The following SORCS1 variants were observed in gnomAD, a reference collection of about 807,000 sequenced individuals.
SORCS1 encodes the protein sortilin related VPS10 domain containing receptor 1.
Under a neutral mutation model 146.1 loss-of-function variants are expected in SORCS1, and 60 were observed. That is an observed-to-expected ratio of 0.41 (90% confidence interval 0.33 to 0.51). SORCS1 has a LOEUF of 0.51. Among genes scored for constraint, SORCS1 ranks in the 20% least tolerant of loss-of-function variants. The pLI, the probability that SORCS1 is intolerant of heterozygous loss-of-function variation, is 0.21. For missense variants in SORCS1, 1,352 were observed against 1,487.6 expected, an observed-to-expected ratio of 0.91 and a Z score of 1.50; for synonymous variants, 637 against 584.0, an observed-to-expected ratio of 1.09 and a Z score of -1.31.
chr10:106,637,899 T>G (rs774707045), intron 18 of SORCS1, among the ~76,000 whole-genome samples: 1 of 152,208 alleles, frequency 6.6e-6, no homozygotes, highest in Non-Finnish European at 1.5e-5. Flanking sequence ...TACCATGTAT[T>G]TGACTGAATC....
chr10:106,801,421 C>T (rs951917962), intron 3 of SORCS1, among the ~76,000 whole-genome samples: 1 of 150,714 alleles, frequency 6.6e-6, no homozygotes, highest in South Asian at 2.1e-4. Flanking sequence ...TAATAGCAAA[C>T]ATTTAATAGC....
At chr10:106,910,342 G>A (rs989192050) in intron 2 of SORCS1, among the ~76,000 whole-genome samples, 2 of 151,446 alleles carry the variant, frequency 1.3e-5, no homozygotes, top group African/African-American at 4.9e-5. Context: ...TAGAGAGTGA[G>A]CGAGCTCACA....
intron 5 of SORCS1, among the ~76,000 whole-genome samples, chr10:106,737,615 C>T (rs1248196342): frequency 6.6e-6 from 1 of 152,078 alleles, no homozygotes; most frequent in Non-Finnish European, 1.5e-5. Context: ...ATCCCAGCTA[C>T]TCAGGAGGCT....
the SORCS1 span, among the ~76,000 whole-genome samples, chr10:107,173,468 C>T: frequency 6.6e-5 from 10 of 152,080 alleles, no homozygotes; most frequent in Admixed American, 6.5e-4. Context: ...AAAGATTTCA[C>T]TATTTATATA....
intron 1 of SORCS1, among the ~76,000 whole-genome samples, chr10:106,966,141 T>A (rs1029060783): frequency 1.3e-5 from 2 of 152,316 alleles, no homozygotes; most frequent in Admixed American, 1.3e-4. Context: ...AGTATCATCA[T>A]TTAGATTTAA....
chr10:106,671,082 C>T (rs567871170), intron 16 of SORCS1, among the ~76,000 whole-genome samples, 155 bp downstream of exon 16: 1 of 152,292 alleles, frequency 6.6e-6, no homozygotes, highest in East Asian at 1.9e-4. Context: ...CATACACATA[C>T]ACATAGCTAG....
rs149990087 is a variant in SORCS1 at position 106,829,411 on chromosome 10, T to C, written c.726+163A>G. Among the ~76,000 whole-genome samples, 13 of 152,314 alleles carry C rather than the reference T, an allele frequency of 8.5e-5. No individual in the cohort carries two copies. The East Asian group carries it at 2.3e-3, about 27-fold the overall frequency. On this transcript the variant is annotated intron_variant, in intron 3 of 25. Coordinates refer to ENST00000263054, the MANE Select transcript of SORCS1 (RefSeq NM_052918.5). Reference sequence around the variant, plus strand: ...ACATTCACAGCTGCTGATCTGAAAATTATGATGTGTCAGACATTTTACAAT... The same window carrying C: ...ACATTCACAGCTGCTGATCTGAAAACTATGATGTGTCAGACATTTTACAAT...
At chr10:106,724,753 A>G (rs927046251) in intron 6 of SORCS1, among the ~76,000 whole-genome samples, 4 of 152,222 alleles carry the variant, frequency 2.6e-5, no homozygotes, top group African/African-American at 9.6e-5. Context: ...CAAACTGGCA[A>G]GTGGGGGATT....
chr10:106,828,739 T>A (rs1420326684), intron 3 of SORCS1, among the ~76,000 whole-genome samples: 1 of 152,226 alleles, frequency 6.6e-6, no homozygotes, highest in East Asian at 1.9e-4. Context: ...GGTATAGATG[T>A]AGTACCACTC....
At chr10:106,970,390 G>C (rs1479198633) in intron 1 of SORCS1, among the ~76,000 whole-genome samples, 1 of 131,132 alleles carries the variant, frequency 7.6e-6, no homozygotes. Flanking sequence ...CCAGGCTGGA[G>C]TGCAGTGGCG....
intron 1 of SORCS1, among the ~76,000 whole-genome samples, chr10:106,962,190 G>A (rs189845204): frequency 7.7e-4 from 116 of 151,560 alleles, no homozygotes; most frequent in African/African-American, 2.6e-3. Context: ...ACCTGAGGTC[G>A]GGAGTTCAAG....
At chr10:107,045,691 A>T (rs72811200) in intron 1 of SORCS1, among the ~76,000 whole-genome samples, 1,626 of 151,986 alleles carry the variant, frequency 0.011, 15 homozygotes, top group South Asian at 0.029. Context: ...AGGAAAAAAA[A>T]TTTTAAGTTG....
At chr10:106,652,620 A>C (rs1306721676) in intron 17 of SORCS1, 67 bp from the exon 18 acceptor site, 1 of 1,568,626 alleles carries the variant, frequency 6.4e-7, no homozygotes, top group South Asian at 1.2e-5. Flanking sequence ...ACTTTTTAAA[A>C]TTAGACATAG....
chr10:106,872,334 A>G (rs1950442872), intron 2 of SORCS1, among the ~76,000 whole-genome samples: 1 of 152,210 alleles, frequency 6.6e-6, no homozygotes, highest in African/African-American at 2.4e-5. Context: ...CAAGCTCAGG[A>G]TATCTGACTT....
intron 2 of SORCS1, among the ~76,000 whole-genome samples, chr10:106,865,225 C>T (rs1308882409): frequency 2.0e-5 from 3 of 151,974 alleles, no homozygotes; most frequent in Non-Finnish European, 2.9e-5. Flanking sequence ...CCTCCCAACC[C>T]GGATCTCCAG....
intron 5 of SORCS1, among the ~76,000 whole-genome samples, chr10:106,745,462 C>T (rs1363522196): frequency 1.3e-5 from 2 of 151,184 alleles, no homozygotes; most frequent in Non-Finnish European, 3.0e-5. Context: ...CAACAAAACA[C>T]AATCTAGAAT....
chr10:107,000,605 CAA>C (rs1217124316), intron 1 of SORCS1, among the ~76,000 whole-genome samples: 16 of 75,496 alleles, frequency 2.1e-4, no homozygotes, highest in Non-Finnish European at 2.1e-4. Flanking sequence ...GACTCCATCT[CAA>C]AAAAAAAAAA....
At chr10:106,906,818 A>G (rs1158637221) in intron 2 of SORCS1, among the ~76,000 whole-genome samples, 1 of 152,208 alleles carries the variant, frequency 6.6e-6, no homozygotes, top group East Asian at 1.9e-4. Flanking sequence ...CTTGGATTCC[A>G]AAGCATCTGT....
chr10:106,712,310 A>G (rs1855054163), intron 6 of SORCS1, among the ~76,000 whole-genome samples: 1 of 152,206 alleles, frequency 6.6e-6, no homozygotes, highest in Admixed American at 6.5e-5. Flanking sequence ...CAGTTAGGCA[A>G]TCAGGATGAG....
Sources: allele counts gnomAD v4.1 joint callset (sites outside exome capture counted in the v4.1 genomes callset), GRCh38; gene constraint gnomAD v4.1.1; transcripts MANE v1.5; gene names NCBI Gene and HGNC (gene_info 2026-07-23, HGNC 2026-07-21).